ENOX1: variants seen among roughly 807,000 people sequenced by gnomAD.
The protein encoded by ENOX1 is candidate growth-related and time keeping constitutive hydroquinone (NADH) oxidase.
In ENOX1, 42 loss-of-function variants were observed where a neutral mutation model predicts 82.5. The ratio of observed to expected loss-of-function variants is 0.51; its 90% CI spans 0.40 to 0.66. The LOEUF is 0.66. Among genes scored for constraint, ENOX1 ranks in the 30% least tolerant of loss-of-function variants. The pLI, the probability that ENOX1 is intolerant of heterozygous loss-of-function variation, is 0.00. For missense variants in ENOX1, 608 were observed against 811.6 expected (o/e 0.75, Z 3.05); for synonymous variants, 271 against 282.2 (o/e 0.96, Z 0.40).
chr13:43,531,279 C>T (rs2078200525), intron 2 of ENOX1, among the ~76,000 whole-genome samples: 1 of 152,050 alleles, frequency 6.6e-6, no homozygotes, highest in South Asian at 2.1e-4. Context: ...TGAATAGACA[C>T]TTCTCAAAAG....
At chr13:43,349,970 T>C (rs1053026144) in intron 8 of ENOX1, among the ~76,000 whole-genome samples, 1 of 152,148 alleles carries the variant, frequency 6.6e-6, no homozygotes, top group Non-Finnish European at 1.5e-5. Flanking sequence ...GAGATTACTA[T>C]AGACCCTTTC....
At chr13:43,463,880 T>C (rs545834421) in intron 3 of ENOX1, among the ~76,000 whole-genome samples, 1 of 152,334 alleles carries the variant, frequency 6.6e-6, no homozygotes, top group Non-Finnish European at 1.5e-5. Flanking sequence ...GCTACTCTTA[T>C]TCATCCATTC....
At chr13:43,741,522 A>C (rs2089911553) in intron 1 of ENOX1, among the ~76,000 whole-genome samples, 1 of 152,192 alleles carries the variant, frequency 6.6e-6, no homozygotes, top group African/African-American at 2.4e-5. Context: ...TTTACATTTC[A>C]GAGACTGAGT....
At chr13:43,495,292 C>G (rs906412824) in intron 2 of ENOX1, among the ~76,000 whole-genome samples, 4 of 152,072 alleles carry the variant, frequency 2.6e-5, no homozygotes, top group Non-Finnish European at 2.9e-5. Flanking sequence ...AGTCAAGATA[C>G]AAAACATTTC....
At chr13:43,528,515 T>C (rs547850993) in intron 2 of ENOX1, among the ~76,000 whole-genome samples, 3 of 152,280 alleles carry the variant, frequency 2.0e-5, no homozygotes, top group East Asian at 3.9e-4. Context: ...CTGAATGTTA[T>C]TGATCTATTG....
chr13:43,313,885 A>G (rs2047342784), intron 11 of ENOX1, among the ~76,000 whole-genome samples: 1 of 152,204 alleles, frequency 6.6e-6, no homozygotes, highest in Admixed American at 6.5e-5. Context: ...AATTCTGAGA[A>G]CTGATAATTT....
chr13:43,314,941 G>A (rs2047396070), intron 11 of ENOX1, among the ~76,000 whole-genome samples: 1 of 152,122 alleles, frequency 6.6e-6, no homozygotes, highest in Non-Finnish European at 1.5e-5. Flanking sequence ...GATCCAGGAA[G>A]AATACAAACT....
intron 2 of ENOX1, among the ~76,000 whole-genome samples, chr13:43,638,598 T>G (rs569235105): frequency 1.3e-5 from 2 of 152,348 alleles, no homozygotes; most frequent in Non-Finnish European, 2.9e-5. Context: ...AGCTGGATTT[T>G]TAAAATATCC....
intron 2 of ENOX1, among the ~76,000 whole-genome samples, chr13:43,582,719 G>A (rs548970356): frequency 1.4e-4 from 22 of 151,926 alleles, no homozygotes; most frequent in Non-Finnish European, 2.2e-4. Flanking sequence ...AACTACAGGC[G>A]CACACCACCA....
chr13:43,660,834 A>G (rs1183728375), intron 2 of ENOX1, among the ~76,000 whole-genome samples: 1 of 152,216 alleles, frequency 6.6e-6, no homozygotes, highest in African/African-American at 2.4e-5. Context: ...TATTAGGTAT[A>G]AAGTGATCAA....
rs1241725393 is a variant in ENOX1, at chr13:43,213,889, AG to A, written c.*100del. 12 of 1,351,316 alleles carry A rather than the reference AG, an allele frequency of 8.9e-6. No homozygotes were observed. The African/African-American group carries it at 1.6e-4, about 18-fold the overall frequency. 83.7% of individuals were successfully genotyped at this position (1,351,316 alleles called of 1,614,324 possible). ...AAGGCAGGCTTCGATGGCTCCACAA[AG>A]GTTGCGTGCTGGACCAACCCCACAC... On this transcript the variant is annotated 3_prime_UTR_variant, in exon 17 of 17. Coordinates refer to ENST00000690772, the MANE Select transcript of ENOX1 (RefSeq NM_001347969.2).
In ENOX1 at chr13:43,432,608, A is replaced by G. The variant is rs142826329; in HGVS notation, c.-74-19620T>C. ...CAGTGAGCTGAGATTGTACCACTGC[A>G]CTCCAGCCTGGGCAACAGAGTGAGA... On this transcript the variant is annotated intron_variant, in intron 3 of 16. Coordinates refer to ENST00000690772, the MANE Select transcript of ENOX1 (RefSeq NM_001347969.2). Among the ~76,000 whole-genome samples the G allele has an allele frequency of 2.9e-3, 439 of 152,290 alleles. 1 individual carries two copies. The highest frequency in any genetic ancestry group is 0.01 in the African/African-American group (423 of 41,554).
chr13:43,577,752 T>C (rs1422444367), intron 2 of ENOX1, among the ~76,000 whole-genome samples: 5 of 152,138 alleles, frequency 3.3e-5, no homozygotes, highest in African/African-American at 9.7e-5. Context: ...GCATTAACCA[T>C]GCAGATTGTA....
At chr13:43,749,622 G>C (rs1217523679) in intron 1 of ENOX1, among the ~76,000 whole-genome samples, 1 of 152,168 alleles carries the variant, frequency 6.6e-6, no homozygotes, top group East Asian at 1.9e-4. Context: ...AGCAAGGTTT[G>C]ACTTAATTTA....
At chr13:43,223,909 A>G (rs916233232) in intron 16 of ENOX1, 144 bp downstream of exon 16, 2 of 571,898 alleles carry the variant, frequency 3.5e-6, no homozygotes, top group African/African-American at 1.9e-5. Flanking sequence ...GCTGCCAAAA[A>G]CTGAGGTCCT....
intron 7 of ENOX1, among the ~76,000 whole-genome samples, chr13:43,359,349 A>C (rs78137065): frequency 0.016 from 2,417 of 152,328 alleles, 61 homozygotes; most frequent in African/African-American, 0.055. Context: ...AATCGCCTAT[A>C]AAAATTGACA....
chr13:43,439,897 T>A (rs931563836), intron 3 of ENOX1, among the ~76,000 whole-genome samples: 2 of 152,178 alleles, frequency 1.3e-5, no homozygotes, highest in Non-Finnish European at 2.9e-5. Flanking sequence ...TCAATATGCC[T>A]ATAGGTACAT....
intron 11 of ENOX1, among the ~76,000 whole-genome samples, chr13:43,301,669 A>G (rs934620048): frequency 1.3e-5 from 2 of 152,158 alleles, no homozygotes; most frequent in East Asian, 3.9e-4. Context: ...TCCTGATTAA[A>G]TGATTTCAAG....
chr13:43,241,032 C>A (rs930853340), intron 14 of ENOX1, among the ~76,000 whole-genome samples: 3 of 148,868 alleles, frequency 2.0e-5, no homozygotes, highest in Admixed American at 6.7e-5. Context: ...AGCCAAAATT[C>A]TTCTGGGAAC....
Sources: allele counts gnomAD v4.1 joint callset (sites outside exome capture counted in the v4.1 genomes callset), GRCh38; gene constraint gnomAD v4.1.1; transcripts MANE v1.5; gene names NCBI Gene and HGNC (gene_info 2026-07-23, HGNC 2026-07-21).